Variants in OSMR observed in about 807,000 individuals in gnomAD.
OSMR encodes oncostatin-M-specific receptor subunit beta.
Under a neutral mutation model 99.9 loss-of-function variants are expected in OSMR, and 81 were observed. The ratio of observed to expected loss-of-function variants is 0.81; its 90% CI spans 0.68 to 0.97. The LOEUF is 0.97. Among genes scored for constraint, OSMR ranks in the 50% least tolerant of loss-of-function variants. The pLI, the probability that OSMR is intolerant of heterozygous loss-of-function variation, is 0.00. For missense variants in OSMR, 1,099 were observed against 1,153.4 expected, an observed-to-expected ratio of 0.95 and a Z score of 0.68; for synonymous variants, 406 against 410.4, an observed-to-expected ratio of 0.99 and a Z score of 0.13.
intron 1 of OSMR, among the ~76,000 whole-genome samples, chr5:38,862,221 C>T (rs1474135221): frequency 4.7e-4 from 47 of 99,232 alleles, no homozygotes; most frequent in Non-Finnish European, 3.5e-4. Context: ...ACCTCCCGGA[C>T]GGGGCGGCTG....
At chr5:38,943,634 G>A (rs900252643) in intron 1 of OSMR, among the ~76,000 whole-genome samples, 12 of 152,238 alleles carry the variant, frequency 7.9e-5, no homozygotes, top group Non-Finnish European at 8.8e-5. Flanking sequence ...CTAACCTGGC[G>A]AAACTCTGTT....
At chr5:38,929,492 A>C (rs1391108210) in intron 15 of OSMR, among the ~76,000 whole-genome samples, 1 of 152,206 alleles carries the variant, frequency 6.6e-6, no homozygotes, top group Non-Finnish European at 1.5e-5. Flanking sequence ...ATGGAAGTAG[A>C]TTATGTTCCA....
Position 38,935,418 on chromosome 5 carries a change from G to GTT in OSMR, c.*1975_*1976dup, listed in dbSNP as rs1306875887. 6.6e-6 allele frequency: 1 copy of GTT among 150,386 alleles called. No homozygotes were observed. Among genetic ancestry groups the GTT allele is most frequent in the East Asian group, 1.9e-4 (1 of 5,182 alleles). The allele number at this position is 150,386 out of a possible 1,614,324, so 9.3% of individuals were successfully genotyped here. ...AAGCGGTATCCTGATTAGTCTAACA[G>GTT]TTGTGTTAGACTTTAGGGCCAGTAT... is the stretch of plus-strand genomic sequence containing the variant. On this transcript the variant is annotated 3_prime_UTR_variant, in exon 18 of 18. Coordinates refer to ENST00000274276, the MANE Select transcript of OSMR (RefSeq NM_003999.3).
intron 11 of OSMR, among the ~76,000 whole-genome samples, chr5:38,921,227 T>C (rs1746215487): frequency 6.6e-6 from 1 of 152,214 alleles, no homozygotes; most frequent in African/African-American, 2.4e-5. Flanking sequence ...TTATATGCCT[T>C]CTTTGTTGGT....
intron 9 of OSMR, among the ~76,000 whole-genome samples, chr5:38,914,452 C>G (rs1052699535): frequency 6.6e-6 from 1 of 152,212 alleles, no homozygotes; most frequent in Non-Finnish European, 1.5e-5. Flanking sequence ...TCGTAAAAAG[C>G]AGTTTGGAGA....
At chr5:38,862,756 C>T (rs1465137727) in intron 1 of OSMR, among the ~76,000 whole-genome samples, 25 of 148,116 alleles carry the variant, frequency 1.7e-4, no homozygotes, top group African/African-American at 2.8e-4. Flanking sequence ...ACTTCCCAGA[C>T]GGGGTGGCGG....
rs111501630 is a variant in OSMR at position 38,887,580 on chromosome 5, T to C, written c.991+1390T>C. On this transcript the variant is annotated intron_variant, in intron 7 of 17. Coordinates refer to ENST00000274276, the MANE Select transcript of OSMR (RefSeq NM_003999.3). ...GTTTATTCCTGCACTAGTATTACAC[T>C]AACTTTTAAAGTTTCAGATGAGTCT... Among the ~76,000 whole-genome samples, 116 of 152,358 alleles carry C rather than the reference T, an allele frequency of 7.6e-4. 1 individual carries two copies. Among genetic ancestry groups the C allele is most frequent in the African/African-American group, 2.8e-3 (115 of 41,580 alleles).
intron 1 of OSMR, among the ~76,000 whole-genome samples, chr5:38,868,583 T>G (rs1579660467): frequency 6.6e-6 from 1 of 152,316 alleles, no homozygotes; most frequent in East Asian, 1.9e-4. Flanking sequence ...GCTGCTGCCA[T>G]GTAAGAAGTA....
At chr5:38,879,197 C>T (rs191355198) in intron 3 of OSMR, among the ~76,000 whole-genome samples, 2 of 152,350 alleles carry the variant, frequency 1.3e-5, no homozygotes. Context: ...TCTGAGCAGG[C>T]CCAACAGGCA....
At position 38,848,770 on chromosome 5, in the gene OSMR, G is replaced by A. The variant is rs75899765; in HGVS notation, c.-14+2383G>A. Among the ~76,000 whole-genome samples, 3,575 of 151,738 alleles carry A rather than the reference G, an allele frequency of 0.024. 405 individuals are homozygous for A. The East Asian group carries it at 0.38, about 16-fold the overall frequency. ...AGATACCTCTTTTGTTAATGGCTAC[G>A]TGTTATTCTTTTTGTGTGTGTGTGA... On this transcript the variant is annotated intron_variant, in intron 1 of 17. Transcript: ENST00000274276.
chr5:38,881,893 T>C (rs1743318485), intron 4 of OSMR, 129 bp downstream of exon 4: 1 of 789,930 alleles, frequency 1.3e-6, no homozygotes, highest in Admixed American at 2.4e-5. Context: ...CTTTGGCTCC[T>C]ATGGGAACTA....
downstream of OSMR, among the ~76,000 whole-genome samples, chr5:38,936,452 G>A (rs772298540): frequency 1.3e-5 from 2 of 152,114 alleles, no homozygotes; most frequent in East Asian, 1.9e-4. Flanking sequence ...GCCTGTGCAC[G>A]GTCCTCACCT....
intron 7 of OSMR, among the ~76,000 whole-genome samples, chr5:38,902,446 G>C (rs1288961251): frequency 6.6e-6 from 1 of 152,204 alleles, no homozygotes; most frequent in East Asian, 1.9e-4. Context: ...CACTATGTTT[G>C]TCCGAAAACC....
intron 1 of OSMR, among the ~76,000 whole-genome samples, chr5:38,847,568 C>T (rs1373289794): frequency 2.0e-5 from 3 of 152,106 alleles, no homozygotes; most frequent in Non-Finnish European, 4.4e-5. Context: ...GCACTCAGAG[C>T]CCTTGATGTC....
At chr5:38,875,230 C>T (rs934093670) in intron 2 of OSMR, among the ~76,000 whole-genome samples, 1 of 152,156 alleles carries the variant, frequency 6.6e-6, no homozygotes, top group African/African-American at 2.4e-5. Flanking sequence ...ACTTCTGATA[C>T]CCTCACAGTT....
At position 38,933,346 on chromosome 5, in the gene OSMR, C is replaced by G. The variant is rs1746870910; in HGVS notation, c.2842C>G (p.Gln948Glu). 1 of 1,614,172 alleles carries G rather than the reference C, an allele frequency of 6.2e-7. No homozygotes were observed. The highest frequency in any genetic ancestry group is 1.1e-5 in the South Asian group (1 of 91,064). ...ACCACACTGTTCAGAGTATAAAATG[C>G]AAATGGCAGTCTCCCTGCGTCTTGC... is the stretch of plus-strand genomic sequence containing the variant. ...EAPHCSEYKM[Q>E]MAVSLRLALP... Residue 948 changes from glutamine to glutamate, a missense_variant, in exon 18 of 18, where the codon CAA becomes GAA. Physicochemically the swap from Gln to Glu is conservative, Grantham distance 29 (BLOSUM62 2). Coordinates refer to ENST00000274276, the MANE Select transcript of OSMR (RefSeq NM_003999.3).
chr5:38,848,800 G>T (rs145291339), intron 1 of OSMR, among the ~76,000 whole-genome samples: 1 of 152,084 alleles, frequency 6.6e-6, no homozygotes, highest in African/African-American at 2.4e-5. Flanking sequence ...GTGTGAGATG[G>T]TCTCACTCTG....
Position 38,931,912 on chromosome 5 carries a change from A to G in OSMR, c.2242A>G (p.Met748Val), listed in dbSNP as rs930060814. The change falls in exon 16 of 18, where the codon ATG becomes GTG. Residue 748 changes from methionine (M) to valine (V), a missense_variant. Transcript: ENST00000274276. ...SSMLIHILLP[M>V]VFCVLLIMVM... ...GATGCTGATTCATATCCTACTGCCC[A>G]TGGTTTTCTGCGTCTTGCTCATCAT... 1.9e-6 allele frequency: 3 copies of G among 1,613,530 alleles called. No individual in the cohort carries two copies. Among genetic ancestry groups the G allele is most frequent in the Non-Finnish European group, 2.5e-6 (3 of 1,179,620 alleles).
intron 1 of OSMR, among the ~76,000 whole-genome samples, chr5:38,866,973 G>C (rs1275675728): frequency 4.6e-5 from 7 of 152,104 alleles, no homozygotes. Flanking sequence ...CTCCTTCTCA[G>C]GGGTTCTCTG....
Sources: allele counts gnomAD v4.1 joint callset (sites outside exome capture counted in the v4.1 genomes callset), GRCh38; gene constraint gnomAD v4.1.1; transcripts MANE v1.5; gene names NCBI Gene and HGNC (gene_info 2026-07-23, HGNC 2026-07-21).